The following C11orf16 variants were observed in gnomAD, a reference collection of about 807,000 sequenced individuals.
The protein encoded by C11orf16 is chromosome 11 open reading frame 16, also known as uncharacterized protein C11orf16.
In C11orf16, 38 loss-of-function variants were observed where a neutral mutation model predicts 45.1. That is an observed-to-expected ratio of 0.84 (90% confidence interval 0.65 to 1.10). The LOEUF is 1.10. Ranked by LOEUF, C11orf16 falls within the 50% of genes least tolerant of loss-of-function variation. C11orf16 has a pLI of 0.00. For missense variants in C11orf16, 583 were observed against 569.5 expected, an observed-to-expected ratio of 1.02 and a Z score of -0.24; for synonymous variants, 221 against 222.0, an observed-to-expected ratio of 1.00 and a Z score of 0.04.
At chr11:8,926,818 A>T (rs1464033487) in intron 4 of C11orf16, 122 bp downstream of exon 4, 3 of 699,806 alleles carry the variant, frequency 4.3e-6, no homozygotes, top group Non-Finnish European at 7.1e-6. Flanking sequence ...GCAAGGGGGA[A>T]AAATTCTCTT....
At position 8,921,413 on chromosome 11, in the gene C11orf16, G is replaced by T. The variant is rs1434109737; in HGVS notation, c.1307C>A (p.Thr436Asn). The change falls in exon 6 of 7, where the codon ACC becomes AAC. Residue 436 changes from threonine (T) to asparagine (N), a missense_variant. By Grantham distance (65) the Thr-to-Asn change is moderately conservative (BLOSUM62 0). Transcript: ENST00000326053. ...CGGGGTCCGCGGTGGCTTCATGTGG[G>T]TTGCTTTCGAGACCAGCTCCTTGGT... Reference protein sequence around the residue: ...GTTKELVSKATHMKPPRTPPG... With the variant: ...GTTKELVSKANHMKPPRTPPG... The T allele has an allele frequency of 1.9e-6, 3 of 1,614,070 alleles. No homozygotes were observed. Among genetic ancestry groups the T allele is most frequent in the African/African-American group, 2.7e-5 (2 of 74,920 alleles).
intron 1 of C11orf16, among the ~76,000 whole-genome samples, chr11:8,932,546 G>A (rs2064656848): frequency 6.6e-6 from 1 of 152,184 alleles, no homozygotes; most frequent in African/African-American, 2.4e-5. Flanking sequence ...AGCAAGTGCT[G>A]TGAGTTTAGA....
Position 8,920,094 on chromosome 11 carries a change from A to G in C11orf16, c.*379T>C, listed in dbSNP as rs534642688. ...TTGGAAATGAAGAGAATTCATTTTT[A>G]TTAAGAGGTGAAACAAAATGTCACT... On this transcript the variant is annotated 3_prime_UTR_variant, in exon 7 of 7. Transcript: ENST00000326053. 7.7e-6 allele frequency: 2 copies of G among 259,066 alleles called. No homozygotes were observed. Among genetic ancestry groups the G allele is most frequent in the East Asian group, 6.8e-5 (1 of 14,622 alleles). 16.0% of individuals were successfully genotyped at this position (259,066 alleles called of 1,614,324 possible).
rs891563617 is a variant in C11orf16, at chr11:8,927,214, C to T, written c.325-40G>A. 4.5e-6 allele frequency: 7 copies of T among 1,538,622 alleles called. No individual in the cohort carries two copies. In the African/African-American group the frequency reaches 9.5e-5, roughly 21 times the overall value. ...ACACTCAGAATAAGACCTGGCATTA[C>T]AAAGTACAATAGGGAGCACCCAGGT... On this transcript the variant is annotated intron_variant, in intron 3 of 6. Coordinates refer to ENST00000326053, the MANE Select transcript of C11orf16 (RefSeq NM_020643.3).
intron 5 of C11orf16, 83 bp from the exon 6 acceptor site, chr11:8,921,598 T>C (rs948795772): frequency 8.3e-7 from 1 of 1,210,520 alleles, no homozygotes; most frequent in African/African-American, 1.5e-5. Context: ...ATCACTGAAG[T>C]ATCTGTAAGC....
chr11:8,929,883 C>T (rs2064639116), intron 2 of C11orf16, among the ~76,000 whole-genome samples: 1 of 152,088 alleles, frequency 6.6e-6, no homozygotes, highest in African/African-American at 2.4e-5. Flanking sequence ...CTTTGGGAGG[C>T]CGATGTGGAT....
chr11:8,932,379 C>T (rs1566115172), intron 1 of C11orf16, 53 bp from the exon 2 acceptor site: 1 of 1,452,438 alleles, frequency 6.9e-7, no homozygotes, highest in Non-Finnish European at 9.2e-7. Flanking sequence ...AAGCAGTGGC[C>T]ACCGGGGCGA....
In C11orf16 at chr11:8,932,145, G is replaced by A. The variant is rs1290152579; in HGVS notation, c.164C>T (p.Ala55Val). The A allele has an allele frequency of 6.3e-7, 1 of 1,578,038 alleles. No homozygotes were observed. The highest frequency in any genetic ancestry group is 1.9e-5 in the Admixed American group (1 of 53,006). The change falls in exon 2 of 7, where the codon GCA (alanine) becomes GTA (valine). Residue 55 changes from alanine (A) to valine (V), a missense_variant. Physicochemically the swap from Ala to Val is moderately conservative, Grantham distance 64. Coordinates refer to ENST00000326053, the MANE Select transcript of C11orf16 (RefSeq NM_020643.3). ...APWLTGHKPLARHASSCPCLH... is the reference protein window; with the variant it reads ...APWLTGHKPLVRHASSCPCLH... ...CCAGAGGGGCAGAGACAGGTACCTT[G>A]CAAGGGGCTTGTGCCCGGTGAGCCA...
intron 5 of C11orf16, among the ~76,000 whole-genome samples, chr11:8,921,958 A>G (rs1456155286): frequency 1.3e-5 from 2 of 152,202 alleles, no homozygotes; most frequent in African/African-American, 2.4e-5. Context: ...TTTTGCCATC[A>G]TGCAATGTGT....
rs2064562397 is a variant in C11orf16 at position 8,920,445 on chromosome 11, C to G, written c.*28G>C. ...TCCTCGAATATTTACCATGTTTATT[C>G]TTTACCTATAAAAGGGGGAAAAATT... On this transcript the variant is annotated 3_prime_UTR_variant, in exon 7 of 7. Transcript: ENST00000326053. 2 of 675,412 alleles carry G rather than the reference C, an allele frequency of 3.0e-6. No homozygotes were observed. Among genetic ancestry groups the G allele is most frequent in the South Asian group, 3.2e-5 (2 of 62,634 alleles). 41.8% of individuals were successfully genotyped at this position (675,412 alleles called of 1,614,324 possible).
chr11:8,932,207 G>T lies in C11orf16; in HGVS notation c.102C>A (p.Asp34Glu). The T allele has an allele frequency of 1.9e-6, 3 of 1,599,084 alleles. No homozygotes were observed. The highest frequency in any genetic ancestry group is 2.6e-6 in the Non-Finnish European group (3 of 1,173,146). ...PGWDGAAPPW[D>E]LSFTYPFALQ... ...GGGCAAAGGGGTAGGTGAAGGAGAG[G>T]TCCCAAGGTGGAGCAGCACCGTCCC... The change falls in exon 2 of 7, where the codon GAC (aspartate) becomes GAA (glutamate). Residue 34 changes from aspartate to glutamate, a missense_variant. By Grantham distance (45) the Asp-to-Glu change is conservative (BLOSUM62 2). Coordinates refer to ENST00000326053, the MANE Select transcript of C11orf16 (RefSeq NM_020643.3).
At chr11:8,926,213 G>GTC in intron 4 of C11orf16, 106 bp from the exon 5 acceptor site, 1 of 1,037,780 alleles carries the variant, frequency 9.6e-7, no homozygotes, top group East Asian at 2.7e-5. Context: ...TTGAGACAGG[G>GTC]TCTGGCTCAG....
rs749815237 is a variant in C11orf16 at position 8,925,857 on chromosome 11, A to G, written c.810T>C (p.His270=). The G allele has an allele frequency of 1.2e-6, 2 of 1,614,108 alleles. No homozygotes were observed. Among genetic ancestry groups the G allele is most frequent in the Non-Finnish European group, 1.7e-6 (2 of 1,180,052 alleles). ...GGCACAGTAGCTGGCAGCAGGCATG[A>G]TGGTGGCAGAGAGGGCACAGGAATG... is the stretch of plus-strand genomic sequence containing the variant. ...DAPFLCPLCH[H]HACCQLLCQG... The change falls in exon 5 of 7, where the codon CAT becomes CAC. Residue 270 remains histidine (H), a synonymous_variant. Transcript: ENST00000326053.
chr11:8,922,328 G>A (rs565879642), intron 5 of C11orf16, among the ~76,000 whole-genome samples: 5 of 152,166 alleles, frequency 3.3e-5, no homozygotes, highest in South Asian at 2.1e-4. Flanking sequence ...AGCTATGATC[G>A]TGCCACTGCC....
intron 4 of C11orf16, 125 bp downstream of exon 4, chr11:8,926,815 G>A (rs550386457): frequency 1.3e-5 from 9 of 676,900 alleles, no homozygotes; most frequent in East Asian, 1.1e-4. Context: ...CAAGCAAGGG[G>A]GAAAAATTCT....
At chr11:8,927,919 G>A (rs1002777057) in intron 3 of C11orf16, among the ~76,000 whole-genome samples, 13 of 151,402 alleles carry the variant, frequency 8.6e-5, no homozygotes, top group African/African-American at 3.2e-4. Context: ...ACTTTTTTTT[G>A]TTTTTTCCAG....
intron 1 of C11orf16, among the ~76,000 whole-genome samples, chr11:8,932,685 G>T (rs1341917905): frequency 6.6e-6 from 1 of 152,178 alleles, no homozygotes; most frequent in East Asian, 1.9e-4. Context: ...ACTTATGTTA[G>T]TATTTTTCCT....
At chr11:8,930,682 G>C (rs908828997) in intron 2 of C11orf16, among the ~76,000 whole-genome samples, 1 of 152,134 alleles carries the variant, frequency 6.6e-6, no homozygotes, top group Non-Finnish European at 1.5e-5. Flanking sequence ...GCCTAGGGGA[G>C]TTGTTGAGTC....
At chr11:8,927,577 C>T (rs756098994) in intron 3 of C11orf16, 14 of 458,078 alleles carry the variant, frequency 3.1e-5, no homozygotes, top group South Asian at 2.0e-4. Context: ...CTCCTGTGTC[C>T]AAGACCAACC....
Sources: allele counts gnomAD v4.1 joint callset (sites outside exome capture counted in the v4.1 genomes callset), GRCh38; gene constraint gnomAD v4.1.1; transcripts MANE v1.5; gene names NCBI Gene and HGNC (gene_info 2026-07-23, HGNC 2026-07-21).